The following ITPKB variants were observed in gnomAD, a reference collection of about 807,000 sequenced individuals.
ITPKB encodes IP3 3-kinase B.
A neutral mutation model predicts 69.4 loss-of-function variants in ITPKB; 13 were observed. That is an observed-to-expected ratio of 0.19 (90% CI 0.12 to 0.30). The LOEUF is 0.30. ITPKB is among the 10% of genes least tolerant of loss of function. ITPKB has a pLI of 1.00. For missense variants in ITPKB, 1,240 were observed against 1,250.5 expected, an observed-to-expected ratio of 0.99 and a Z score of 0.13; for synonymous variants, 584 against 513.7, an observed-to-expected ratio of 1.14 and a Z score of -1.85.
At chr1:226,723,982 A>G (rs975443620) in intron 2 of ITPKB, among the ~76,000 whole-genome samples, 4 of 152,176 alleles carry the variant, frequency 2.6e-5, no homozygotes, top group Non-Finnish European at 4.4e-5. Context: ...ACTCGAGCCA[A>G]TTGGTGAAGG....
In ITPKB at chr1:226,737,647, C is replaced by G; in HGVS notation, c.-189G>C. On this transcript the variant is annotated 5_prime_UTR_variant, in exon 2 of 8. The change abolishes an upstream ATG in the 5' untranslated region. Transcript: ENST00000429204. ...CGGGCTCAGCCCCCGCCCAAAGCTC[C>G]ATAAACAACCGTGCGGCTGTGGAGA... 1 of 1,091,084 alleles carries G rather than the reference C, an allele frequency of 9.2e-7. No homozygotes were observed. Among genetic ancestry groups the G allele is most frequent in the Non-Finnish European group, 1.1e-6 (1 of 894,406 alleles). The allele number at this position is 1,091,084 out of a possible 1,614,324, so 67.6% of individuals were successfully genotyped here.
At chr1:226,713,169 G>A (rs1445450680) in intron 2 of ITPKB, among the ~76,000 whole-genome samples, 5 of 151,994 alleles carry the variant, frequency 3.3e-5, no homozygotes, top group African/African-American at 4.8e-5. Context: ...AGGAGACTCC[G>A]GACCCAGCTG....
intron 7 of ITPKB, among the ~76,000 whole-genome samples, chr1:226,636,482 G>A (rs1400711724): frequency 6.6e-6 from 1 of 152,226 alleles, no homozygotes; most frequent in East Asian, 1.9e-4. Context: ...GAGGAGGCCT[G>A]GTGGTGTAGT....
intron 2 of ITPKB, among the ~76,000 whole-genome samples, chr1:226,683,610 C>T (rs182917495): frequency 4.9e-4 from 74 of 152,148 alleles, no homozygotes; most frequent in Non-Finnish European, 8.4e-4. Flanking sequence ...GAAGTGGAGA[C>T]GGTGGCGGGG....
intron 2 of ITPKB, among the ~76,000 whole-genome samples, chr1:226,727,823 A>AT (rs1467238788): frequency 1.2e-4 from 19 of 152,280 alleles, no homozygotes; most frequent in African/African-American, 4.6e-4. Context: ...GTTACCCTTC[A>AT]TCATTAATAC....
chr1:226,640,607 T>C (rs1353572328), intron 5 of ITPKB, among the ~76,000 whole-genome samples: 1 of 151,960 alleles, frequency 6.6e-6, no homozygotes, highest in East Asian at 1.9e-4. Context: ...GGCTGGACAA[T>C]AGACAGAGAC....
intron 7 of ITPKB, among the ~76,000 whole-genome samples, chr1:226,635,635 A>G (rs535594317): frequency 3.9e-5 from 6 of 152,324 alleles, no homozygotes; most frequent in African/African-American, 1.2e-4. Flanking sequence ...GTGAAGGGGA[A>G]GGTGCCCAGG....
intron 2 of ITPKB, among the ~76,000 whole-genome samples, chr1:226,662,036 G>A (rs992151046): frequency 1.3e-5 from 2 of 152,168 alleles, no homozygotes; most frequent in African/African-American, 2.4e-5. Flanking sequence ...CTTTCTAGTC[G>A]GGTGTGAGAG....
chr1:226,707,927 A>G, intron 2 of ITPKB: 1 of 1,332,108 alleles, frequency 7.5e-7, no homozygotes, highest in Non-Finnish European at 9.9e-7. Flanking sequence ...TAAAGGGAGA[A>G]GAAAAGAGGT....
At chr1:226,680,762 C>T (rs773808831) in intron 2 of ITPKB, among the ~76,000 whole-genome samples, 3 of 152,168 alleles carry the variant, frequency 2.0e-5, no homozygotes, top group Non-Finnish European at 1.5e-5. Flanking sequence ...ACATTTTAAA[C>T]GCTTTTTCTC....
intron 2 of ITPKB, among the ~76,000 whole-genome samples, chr1:226,712,695 G>A (rs2102638282): frequency 6.6e-6 from 1 of 152,298 alleles, no homozygotes; most frequent in Middle Eastern, 3.4e-3. Flanking sequence ...GAGCATTAAG[G>A]CTCCTCTTAA....
chr1:226,674,019 C>T (rs1014357229), intron 2 of ITPKB, among the ~76,000 whole-genome samples: 1 of 152,060 alleles, frequency 6.6e-6, no homozygotes, highest in Non-Finnish European at 1.5e-5. Flanking sequence ...CCTCAAACTG[C>T]TCCATTTCCC....
chr1:226,653,762 A>G (rs1669237719), intron 2 of ITPKB, among the ~76,000 whole-genome samples: 2 of 152,166 alleles, frequency 1.3e-5, no homozygotes, highest in South Asian at 4.1e-4. Flanking sequence ...CAGGGTGGTT[A>G]AACCAACTGA....
chr1:226,714,383 T>C (rs528829267), intron 2 of ITPKB, among the ~76,000 whole-genome samples: 1 of 152,314 alleles, frequency 6.6e-6, no homozygotes, highest in African/African-American at 2.4e-5. Flanking sequence ...CTGCTGCCAA[T>C]TCTGGGGCTG....
At chr1:226,684,080 G>C (rs974876763) in intron 2 of ITPKB, among the ~76,000 whole-genome samples, 4 of 152,186 alleles carry the variant, frequency 2.6e-5, no homozygotes, top group African/African-American at 9.7e-5. Flanking sequence ...ACTTCCGTGA[G>C]TAGAAAAATA....
rs1386746066 is a variant in ITPKB, at chr1:226,735,796, G to A, written c.1663C>T (p.Pro555Ser). ...PELLPQDPDKPFLRKACSPSN... is the reference protein window; with the variant it reads ...PELLPQDPDKSFLRKACSPSN... ...GGGCTGCAGGCCTTCCTCAGGAAAG[G>A]CTTGTCCGGATCTTGGGGTAGCAGC... The change falls in exon 2 of 8, where the codon CCT becomes TCT. Residue 555 changes from proline (P) to serine (S), a missense_variant. Transcript: ENST00000429204. 1.2e-6 allele frequency: 2 copies of A among 1,608,000 alleles called. No homozygotes were observed. Among genetic ancestry groups the A allele is most frequent in the South Asian group, 1.1e-5 (1 of 90,902 alleles).
chr1:226,720,823 G>A (rs986207717), intron 2 of ITPKB, among the ~76,000 whole-genome samples: 2 of 151,610 alleles, frequency 1.3e-5, no homozygotes, highest in Non-Finnish European at 2.9e-5. Context: ...AGGCCGAGAC[G>A]GGCAGATCAC....
intron 2 of ITPKB, among the ~76,000 whole-genome samples, chr1:226,711,148 G>A (rs1221214910): frequency 6.6e-6 from 1 of 151,924 alleles, no homozygotes; most frequent in African/African-American, 2.4e-5. Flanking sequence ...TTAACTGAGG[G>A]TGCTCAGTCA....
chr1:226,734,896 T>C (rs1287953297), intron 2 of ITPKB, among the ~76,000 whole-genome samples: 1 of 152,252 alleles, frequency 6.6e-6, no homozygotes, highest in Non-Finnish European at 1.5e-5. Flanking sequence ...ATGGTTTTCA[T>C]TTAATTCATA....
Sources: allele counts gnomAD v4.1 joint callset (sites outside exome capture counted in the v4.1 genomes callset), GRCh38; gene constraint gnomAD v4.1.1; transcripts MANE v1.5; gene names NCBI Gene and HGNC (gene_info 2026-07-23, HGNC 2026-07-21).